SCN8A: variants seen among roughly 807,000 people sequenced by gnomAD.
SCN8A encodes sodium voltage-gated channel alpha subunit 8.
A neutral mutation model predicts 184.1 loss-of-function variants in SCN8A; 30 were observed. The observed-to-expected ratio is 0.16, with a 90% CI of 0.12 to 0.22. The LOEUF is 0.22. Among genes scored for constraint, SCN8A ranks in the 10% least tolerant of loss-of-function variants. The pLI, the probability that SCN8A is intolerant of heterozygous loss-of-function variation, is 1.00. For missense variants in SCN8A, 1,057 were observed against 2,498.9 expected (o/e 0.42, Z 12.30); for synonymous variants, 852 against 907.0 (o/e 0.94, Z 1.09).
intron 1 of SCN8A, among the ~76,000 whole-genome samples, chr12:51,595,150 C>T (rs906450037): frequency 3.9e-5 from 6 of 152,182 alleles, no homozygotes; most frequent in African/African-American, 1.4e-4. Flanking sequence ...AGTACAATGC[C>T]TCTCTAAGCT....
chr12:51,682,900 G>A (rs1024107230), intron 2 of SCN8A, among the ~76,000 whole-genome samples: 3 of 152,052 alleles, frequency 2.0e-5, no homozygotes, highest in Non-Finnish European at 4.4e-5. Context: ...AAAACCTGCA[G>A]CTACATGCTA....
At position 51,769,071 on chromosome 12, in the gene SCN8A, G is replaced by A. The variant is rs1942882167; in HGVS notation, c.3108G>A (p.Glu1036=). The change falls in exon 17 of 27, where the codon GAG becomes GAA. Residue 1036 remains glutamate, a synonymous_variant. Transcript: ENST00000627620. ...CTGATGAGGTGAAGCCTCTGGATGA[G>A]TTGTATGAAAAGAAGGCCAACTGTA... ...READEVKPLD[E]LYEKKANCIA... 6.2e-7 allele frequency: 1 copy of A among 1,613,976 alleles called. No homozygotes were observed. Among genetic ancestry groups the A allele is most frequent in the Non-Finnish European group, 8.5e-7 (1 of 1,179,866 alleles).
At chr12:51,705,743 G>C in intron 10 of SCN8A, 120 bp downstream of exon 10, 1 of 889,258 alleles carries the variant, frequency 1.1e-6, no homozygotes, top group Middle Eastern at 3.4e-4. Flanking sequence ...CCATTGGTCT[G>C]ATGAAAATAA....
At chr12:51,719,877 C>A (rs1317126797) in intron 11 of SCN8A, among the ~76,000 whole-genome samples, 1 of 151,528 alleles carries the variant, frequency 6.6e-6, no homozygotes, top group African/African-American at 2.4e-5. Flanking sequence ...GAGATCGAGA[C>A]CATCCTGGCT....
At chr12:51,687,487 C>G (rs1941437708) in intron 5 of SCN8A, among the ~76,000 whole-genome samples, 1 of 152,126 alleles carries the variant, frequency 6.6e-6, no homozygotes. Context: ...CCCATTGGCA[C>G]TCTCTCGTAT....
intron 5 of SCN8A, among the ~76,000 whole-genome samples, chr12:51,687,854 T>C (rs1277023953): frequency 1.3e-5 from 2 of 152,230 alleles, no homozygotes. Context: ...AGAAGAGTTA[T>C]AGCAGGCTTT....
intron 8 of SCN8A, among the ~76,000 whole-genome samples, chr12:51,702,066 G>T (rs1329487932): frequency 6.6e-6 from 1 of 152,118 alleles, no homozygotes; most frequent in Non-Finnish European, 1.5e-5. Flanking sequence ...GCTCACGCTT[G>T]TAATCCCAGC....
At chr12:51,735,547 C>T (rs543320273) in intron 12 of SCN8A, among the ~76,000 whole-genome samples, 64 of 152,272 alleles carry the variant, frequency 4.2e-4, no homozygotes, top group Non-Finnish European at 3.2e-4. Context: ...AAGGAATACT[C>T]ACGACAGTGG....
chr12:51,595,863 G>A (rs562860227), intron 1 of SCN8A, among the ~76,000 whole-genome samples: 36 of 152,200 alleles, frequency 2.4e-4, no homozygotes, highest in Admixed American at 6.5e-4. Flanking sequence ...GATGGAACCC[G>A]TAGGTACCCT....
At chr12:51,797,652 GCTAATA>G (rs1938446406) in intron 26 of SCN8A, among the ~76,000 whole-genome samples, 3 of 152,190 alleles carry the variant, frequency 2.0e-5, no homozygotes, top group Admixed American at 2.0e-4. Flanking sequence ...CACAGGGCAT[GCTAATA>G]CTAAGAGACG....
intron 1 of SCN8A, among the ~76,000 whole-genome samples, chr12:51,608,113 C>T (rs1186270506): frequency 2.6e-5 from 4 of 151,304 alleles, no homozygotes; most frequent in Non-Finnish European, 5.9e-5. Context: ...CTCCGCCTCC[C>T]GGGTTCACAC....
intron 13 of SCN8A, among the ~76,000 whole-genome samples, chr12:51,749,572 C>A (rs1379119927): frequency 6.6e-6 from 1 of 152,132 alleles, no homozygotes; most frequent in Non-Finnish European, 1.5e-5. Flanking sequence ...GGAGGGAGTT[C>A]TCTGAGGAAG....
intron 2 of SCN8A, among the ~76,000 whole-genome samples, chr12:51,683,122 T>C (rs1468033815): frequency 6.6e-6 from 1 of 152,240 alleles, no homozygotes; most frequent in Non-Finnish European, 1.5e-5. Context: ...TCATACATTA[T>C]GCATATTTTT....
chr12:51,705,239 G>A (rs531588281), intron 9 of SCN8A, among the ~76,000 whole-genome samples, 178 bp from the exon 10 acceptor site: 1 of 152,310 alleles, frequency 6.6e-6, no homozygotes, highest in Non-Finnish European at 1.5e-5. Flanking sequence ...TTGAGGATAA[G>A]TGAAACCATT....
At chr12:51,696,602 C>T (rs957224519) in intron 6 of SCN8A, among the ~76,000 whole-genome samples, 18 of 152,148 alleles carry the variant, frequency 1.2e-4, no homozygotes, top group African/African-American at 4.3e-4. Flanking sequence ...ACATCTCTGC[C>T]TTATTTTGAA....
intron 14 of SCN8A, among the ~76,000 whole-genome samples, chr12:51,753,878 A>G (rs543943788): frequency 3.3e-4 from 50 of 152,312 alleles, no homozygotes; most frequent in South Asian, 8.3e-4. Flanking sequence ...GAACCTGAGA[A>G]TAAGAGGATG....
intron 1 of SCN8A, among the ~76,000 whole-genome samples, chr12:51,662,391 G>A (rs568029716): frequency 9.2e-5 from 14 of 152,292 alleles, no homozygotes; most frequent in African/African-American, 2.9e-4. Flanking sequence ...AAAGGAAGGT[G>A]ACTTGAACTG....
Position 51,790,418 on chromosome 12 carries a change from C to T in SCN8A, c.4440C>T (p.Phe1480=). ...QKKKFGGQDI[F]MTEEQKKYYN... ...TTTACTTCGGAGGTCAGGACATCTTCATGACCGAAGAACAGAAGAAGTACT... is the reference window on the plus strand; with the variant it reads ...TTTACTTCGGAGGTCAGGACATCTTTATGACCGAAGAACAGAAGAAGTACT... Residue 1480 remains phenylalanine, a synonymous_variant, in exon 25 of 27, where the codon TTC becomes TTT. Transcript: ENST00000627620. The T allele has an allele frequency of 6.2e-7, 1 of 1,608,460 alleles. No homozygotes were observed. The highest frequency in any genetic ancestry group is 2.2e-5 in the East Asian group (1 of 44,736).
At chr12:51,650,040 C>G (rs900948329) in intron 1 of SCN8A, among the ~76,000 whole-genome samples, 1 of 152,190 alleles carries the variant, frequency 6.6e-6, no homozygotes, top group Non-Finnish European at 1.5e-5. Context: ...TCATCTCTCT[C>G]AAGTTCAAAG....
Sources: allele counts gnomAD v4.1 joint callset (sites outside exome capture counted in the v4.1 genomes callset), GRCh38; gene constraint gnomAD v4.1.1; transcripts MANE v1.5; gene names NCBI Gene and HGNC (gene_info 2026-07-23, HGNC 2026-07-21).